The following GRIN2B variants were observed in gnomAD, a reference collection of about 807,000 sequenced individuals.
GRIN2B encodes the protein glutamate receptor ionotropic, NMDA 2B.
Under a neutral mutation model 114.5 loss-of-function variants are expected in GRIN2B, and 5 were observed. The observed-to-expected ratio is 0.04, with a 90% CI of 0.02 to 0.09. The LOEUF is 0.09. Among genes scored for constraint, GRIN2B ranks in the 10% least tolerant of loss-of-function variants. The probability of loss-of-function intolerance (pLI) is 1.00; values close to 1 mark genes in which losing one functional copy is unlikely to be tolerated. For missense variants in GRIN2B, 1,108 were observed against 1,943.5 expected (o/e 0.57, Z 8.08); for synonymous variants, 787 against 745.1 (o/e 1.06, Z -0.92).
At chr12:13,813,309 C>T (rs915079913) in intron 3 of GRIN2B, among the ~76,000 whole-genome samples, 1 of 151,986 alleles carries the variant, frequency 6.6e-6, no homozygotes, top group African/African-American at 2.4e-5. Flanking sequence ...GTCATCCATT[C>T]GAATGCTAAA....
intron 3 of GRIN2B, among the ~76,000 whole-genome samples, chr12:13,864,536 A>G (rs1865794381): frequency 6.6e-6 from 1 of 152,240 alleles, no homozygotes; most frequent in African/African-American, 2.4e-5. Context: ...GAAACTAACT[A>G]TTCTAAGACG....
chr12:13,676,024 A>G (rs1474929906), intron 4 of GRIN2B, among the ~76,000 whole-genome samples, 165 bp from the exon 5 acceptor site: 3 of 152,166 alleles, frequency 2.0e-5, no homozygotes, highest in East Asian at 1.9e-4. Flanking sequence ...TGATTATGCA[A>G]TAGAGTCATC....
At chr12:13,884,084 C>T (rs1463428253) in intron 2 of GRIN2B, among the ~76,000 whole-genome samples, 5 of 152,154 alleles carry the variant, frequency 3.3e-5, no homozygotes, top group Admixed American at 3.3e-4. Flanking sequence ...CACCTTGACA[C>T]ATTTGTCAAA....
At chr12:13,801,597 G>A (rs1490698636) in intron 3 of GRIN2B, among the ~76,000 whole-genome samples, 1 of 152,110 alleles carries the variant, frequency 6.6e-6, no homozygotes, top group Non-Finnish European at 1.5e-5. Context: ...AAGAAATACA[G>A]CAAGGACCCT....
At chr12:13,617,691 A>G (rs1949461706) in intron 5 of GRIN2B, among the ~76,000 whole-genome samples, 1 of 152,238 alleles carries the variant, frequency 6.6e-6, no homozygotes, top group Admixed American at 6.5e-5. Context: ...TTCTCAATCT[A>G]TGATTTCCTC....
intron 2 of GRIN2B, among the ~76,000 whole-genome samples, chr12:13,905,994 G>T (rs36106803): frequency 0.3 from 45,669 of 151,960 alleles, 7,354 homozygotes; most frequent in Middle Eastern, 0.37. Flanking sequence ...CCAAGATTTG[G>T]TTCTGCCCTC....
At chr12:13,607,298 ATATATATTATATAT>A (rs1565473573) in intron 10 of GRIN2B, among the ~76,000 whole-genome samples, 2 of 52,824 alleles carry the variant, frequency 3.8e-5, no homozygotes, top group Admixed American at 3.4e-4. Context: ...TTATATAAAA[ATATATATTATATAT>A]AATATAAAAT....
intron 2 of GRIN2B, among the ~76,000 whole-genome samples, chr12:13,880,468 T>G (rs1011189695): frequency 6.6e-6 from 1 of 152,028 alleles, no homozygotes; most frequent in Non-Finnish European, 1.5e-5. Flanking sequence ...GGAACAGATC[T>G]CCCATCGCTA....
intron 4 of GRIN2B, among the ~76,000 whole-genome samples, chr12:13,694,262 T>C (rs951768997): frequency 6.6e-6 from 1 of 152,144 alleles, no homozygotes; most frequent in Non-Finnish European, 1.5e-5. Context: ...TTTAGATTTA[T>C]ACAACTGTAT....
chr12:13,917,787 T>G (rs950831612), intron 2 of GRIN2B, among the ~76,000 whole-genome samples: 15 of 152,240 alleles, frequency 9.9e-5, no homozygotes, highest in Non-Finnish European at 1.9e-4. Context: ...TCCATTATTG[T>G]GGGAATATCT....
chr12:13,815,547 G>A (rs931228381), intron 3 of GRIN2B, among the ~76,000 whole-genome samples: 2 of 152,148 alleles, frequency 1.3e-5, no homozygotes, highest in African/African-American at 4.8e-5. Flanking sequence ...GGGGATACGT[G>A]CTAGAAAAAC....
chr12:13,836,988 GCT>G (rs761646101), intron 3 of GRIN2B, among the ~76,000 whole-genome samples: 3 of 152,178 alleles, frequency 2.0e-5, no homozygotes, highest in Admixed American at 2.0e-4. Context: ...CTATCCCCGG[GCT>G]CTCTCTTTCT....
chr12:13,849,974 G>A (rs1007272658), intron 3 of GRIN2B, among the ~76,000 whole-genome samples: 2 of 152,290 alleles, frequency 1.3e-5, no homozygotes, highest in East Asian at 1.9e-4. Context: ...CCCTCTTGCA[G>A]ATAAGCAAGC....
chr12:13,644,462 G>A (rs750662873), intron 5 of GRIN2B, among the ~76,000 whole-genome samples: 9 of 152,070 alleles, frequency 5.9e-5, no homozygotes, highest in African/African-American at 1.7e-4. Context: ...AAATTAAGCC[G>A]AATTCTGAAA....
At chr12:13,633,328 T>C (rs143402789) in intron 5 of GRIN2B, among the ~76,000 whole-genome samples, 7 of 152,334 alleles carry the variant, frequency 4.6e-5, no homozygotes, top group Non-Finnish European at 7.3e-5. Context: ...AACCCAGCAA[T>C]CTGGTTTTAA....
chr12:13,938,703 G>C (rs542808771), intron 2 of GRIN2B, among the ~76,000 whole-genome samples: 42 of 152,198 alleles, frequency 2.8e-4, no homozygotes, highest in Non-Finnish European at 5.3e-4. Flanking sequence ...ACAGATAAGA[G>C]TGATAGTTGT....
chr12:13,839,917 A>G (rs1334956657), intron 3 of GRIN2B, among the ~76,000 whole-genome samples: 3 of 152,222 alleles, frequency 2.0e-5, no homozygotes, highest in Non-Finnish European at 4.4e-5. Context: ...TCTCCATAAT[A>G]GAAAATACGC....
chr12:13,608,433 T>C (rs773882130), intron 10 of GRIN2B, among the ~76,000 whole-genome samples, 170 bp downstream of exon 10: 3 of 152,192 alleles, frequency 2.0e-5, no homozygotes, highest in African/African-American at 7.2e-5. Flanking sequence ...CATGAAGTCA[T>C]ATTATTTCAG....
At chr12:13,575,395 ACGCCTGTAATC>A (rs1948761560) in intron 10 of GRIN2B, among the ~76,000 whole-genome samples, 1 of 152,164 alleles carries the variant, frequency 6.6e-6, no homozygotes, top group Admixed American at 6.5e-5. Flanking sequence ...GCAGTGGCTC[ACGCCTGTAATC>A]CCAGCACTTT....
Sources: allele counts gnomAD v4.1 joint callset (sites outside exome capture counted in the v4.1 genomes callset), GRCh38; gene constraint gnomAD v4.1.1; transcripts MANE v1.5; gene names NCBI Gene and HGNC (gene_info 2026-07-23, HGNC 2026-07-21).